LCP1: variants seen among roughly 807,000 people sequenced by gnomAD.
LCP1 encodes the protein plastin-2.
In LCP1, 23 loss-of-function variants were observed where a neutral mutation model predicts 72.0. That is an observed-to-expected ratio of 0.32 (90% CI 0.23 to 0.45). The LOEUF (loss-of-function observed/expected upper bound fraction) is 0.45. Ranked by LOEUF, LCP1 falls within the 20% of genes least tolerant of loss-of-function variation. The probability of loss-of-function intolerance (pLI) is 1.00; values close to 1 mark genes in which losing one functional copy is unlikely to be tolerated. For synonymous variants in LCP1, 245 were observed against 275.4 expected (o/e 0.89, Z 1.09); for missense variants, 571 against 748.3 (o/e 0.76, Z 2.76).
chr13:46,159,521 T>A (rs2045824656), intron 2 of LCP1, 78 bp downstream of exon 2: 1 of 1,185,008 alleles, frequency 8.4e-7, no homozygotes. Flanking sequence ...TTGCTCATGT[T>A]CCCATTTCAT....
intron 9 of LCP1, 62 bp downstream of exon 9, chr13:46,148,290 A>T: frequency 8.4e-7 from 1 of 1,189,666 alleles, no homozygotes. Flanking sequence ...ACACAAGGTA[A>T]TGGAACTGCC....
rs530018422 is a variant in LCP1, at chr13:46,151,944, G to A, written c.739+836C>T. 7.2e-4 allele frequency among the ~76,000 whole-genome samples: 109 copies of A among 152,342 alleles called. 1 individual carries two copies. The highest frequency in any genetic ancestry group is 1.2e-3 in the Non-Finnish European group (81 of 68,026). On this transcript the variant is annotated intron_variant, in intron 7 of 15. Coordinates refer to ENST00000323076, the MANE Select transcript of LCP1 (RefSeq NM_002298.5). ...ACATACAGATAAGATGGTGAGAGAA[G>A]ACGCAATAAGATTGACAGCTACATA...
At chr13:46,170,585 C>T (rs1024917351) in intron 1 of LCP1, among the ~76,000 whole-genome samples, 3 of 151,996 alleles carry the variant, frequency 2.0e-5, no homozygotes, top group Admixed American at 6.5e-5. Context: ...TGCACATATG[C>T]GGTGTACCAA....
At position 46,136,371 on chromosome 13, in the gene LCP1, T is replaced by C. The variant is rs560035470; in HGVS notation, c.1503-2121A>G. Among the ~76,000 whole-genome samples the C allele has an allele frequency of 3.5e-4, 53 of 152,334 alleles. 1 individual carries two copies. Among genetic ancestry groups the C allele is most frequent in the Middle Eastern group, 3.4e-3 (1 of 294 alleles). On this transcript the variant is annotated intron_variant, in intron 13 of 15. Coordinates refer to ENST00000323076, the MANE Select transcript of LCP1 (RefSeq NM_002298.5). ...TGTGATGGCATTGGTATCCACCGTG[T>C]GCCCTCGGACAGGGTCCATGTGCCC...
At chr13:46,180,345 T>C (rs2045950548) in intron 1 of LCP1, among the ~76,000 whole-genome samples, 1 of 152,248 alleles carries the variant, frequency 6.6e-6, no homozygotes, top group African/African-American at 2.4e-5. Context: ...CCAAGTTAAA[T>C]GGTACTTTAA....
At chr13:46,174,651 C>T (rs936017137) in intron 1 of LCP1, among the ~76,000 whole-genome samples, 5 of 151,924 alleles carry the variant, frequency 3.3e-5, no homozygotes, top group African/African-American at 1.2e-4. Context: ...CAAGACCAGC[C>T]TGGCCAATGT....
At chr13:46,153,059 T>C in intron 6 of LCP1, 114 bp from the exon 7 acceptor site, 4 of 999,876 alleles carry the variant, frequency 4.0e-6, no homozygotes, top group South Asian at 3.5e-5. Flanking sequence ...TTTAGAGTCA[T>C]GGTCTTCACT....
intron 9 of LCP1, 73 bp from the exon 10 acceptor site, chr13:46,147,176 AG>A (rs1282763862): frequency 7.9e-7 from 1 of 1,265,634 alleles, no homozygotes; most frequent in African/African-American, 1.5e-5. Flanking sequence ...TAATGTGAAA[AG>A]AAATGGGAAT....
At chr13:46,162,889 G>A (rs1295082551) in intron 1 of LCP1, among the ~76,000 whole-genome samples, 1 of 149,830 alleles carries the variant, frequency 6.7e-6, no homozygotes, top group Non-Finnish European at 1.5e-5. Context: ...TCTGAGAAGT[G>A]AGGAGCCCCT....
chr13:46,142,602 C>A, intron 12 of LCP1, 177 bp from the exon 13 acceptor site: 1 of 652,570 alleles, frequency 1.5e-6, no homozygotes, highest in Non-Finnish European at 2.6e-6. Flanking sequence ...TCCATCTGTC[C>A]TTAGAACCCC....
intron 13 of LCP1, among the ~76,000 whole-genome samples, chr13:46,138,040 C>T (rs978003567): frequency 6.6e-6 from 1 of 152,222 alleles, no homozygotes; most frequent in African/African-American, 2.4e-5. Context: ...TTGTCTGCTT[C>T]GGATTCTTTG....
intron 4 of LCP1, 150 bp downstream of exon 4, chr13:46,158,372 C>A: frequency 1.3e-6 from 1 of 745,574 alleles, no homozygotes; most frequent in South Asian, 1.8e-5. Flanking sequence ...ATATTATGTA[C>A]CCAGAACTGA....
chr13:46,158,924 G>A lies in LCP1; in HGVS notation c.130C>T (p.Pro44Ser), dbSNP rs2045820509. The change falls in exon 3 of 16, where the codon CCT becomes TCT. Residue 44 changes from proline to serine, a missense_variant. Physicochemically the swap from Pro to Ser is moderately conservative, Grantham distance 74. Coordinates refer to ENST00000323076, the MANE Select transcript of LCP1 (RefSeq NM_002298.5). ...LNDLFKAACL[P>S]LPGYRVREIT... ...TCTCGTACTCTATACCCAGGCAAAG[G>A]CAAGCAAGCAGCCTTGAACAAGTCA... 1.2e-6 allele frequency: 2 copies of A among 1,614,102 alleles called. No individual in the cohort carries two copies. Among genetic ancestry groups the A allele is most frequent in the Non-Finnish European group, 1.7e-6 (2 of 1,180,012 alleles).
At chr13:46,157,721 G>A (rs1240567469) in intron 4 of LCP1, among the ~76,000 whole-genome samples, 2 of 149,580 alleles carry the variant, frequency 1.3e-5, no homozygotes, top group Non-Finnish European at 3.0e-5. Context: ...AACTATAGAT[G>A]GTATTTAATC....
chr13:46,166,728 A>G (rs760092572), intron 1 of LCP1, among the ~76,000 whole-genome samples: 1 of 152,204 alleles, frequency 6.6e-6, no homozygotes, highest in African/African-American at 2.4e-5. Context: ...ATACCCATAC[A>G]TTTTTAAAAA....
rs553329215 is a variant in LCP1 at position 46,156,157 on chromosome 13, G to A, written c.491+281C>T. Among the ~76,000 whole-genome samples, 3 of 152,206 alleles carry A rather than the reference G, an allele frequency of 2.0e-5. No homozygotes were observed. The East Asian group carries it at 5.8e-4, about 29-fold the overall frequency. ...ACTTAATTATCTAATACATTGATTA[G>A]ACATCTAATGCTTTTGACTTGGTAT... On this transcript the variant is annotated intron_variant, in intron 5 of 15. Transcript: ENST00000323076.
intron 15 of LCP1, among the ~76,000 whole-genome samples, chr13:46,128,031 G>T (rs2045610443): frequency 6.7e-6 from 1 of 149,860 alleles, no homozygotes; most frequent in Non-Finnish European, 1.5e-5. Context: ...GTAGAGACAG[G>T]GGTCTCACTA....
chr13:46,152,099 G>C (rs1454330260), intron 7 of LCP1, among the ~76,000 whole-genome samples: 1 of 152,246 alleles, frequency 6.6e-6, no homozygotes, highest in Non-Finnish European at 1.5e-5. Flanking sequence ...CACATACACA[G>C]TAAGGTGGTT....
rs1282047355 is a variant in LCP1 at position 46,130,892 on chromosome 13, G to A, written c.1673C>T (p.Ala558Val). ...TSLPVLDLIDAIQPGSINYDL... is the reference protein window; with the variant it reads ...TSLPVLDLIDVIQPGSINYDL... ...ATAGTTAATGGAACCTGGTTGGATGGCATCGATGAGGTCCAGAACAGGCAG... is the reference window on the plus strand; with the variant it reads ...ATAGTTAATGGAACCTGGTTGGATGACATCGATGAGGTCCAGAACAGGCAG... The change falls in exon 15 of 16, where the codon GCC (alanine) becomes GTC (valine). Residue 558 changes from alanine to valine, a missense_variant. Physicochemically the swap from Ala to Val is moderately conservative, Grantham distance 64. Coordinates refer to ENST00000323076, the MANE Select transcript of LCP1 (RefSeq NM_002298.5). 6.2e-7 allele frequency: 1 copy of A among 1,612,264 alleles called. No individual in the cohort carries two copies. The highest frequency in any genetic ancestry group is 8.5e-7 in the Non-Finnish European group (1 of 1,179,302).
Sources: allele counts gnomAD v4.1 joint callset (sites outside exome capture counted in the v4.1 genomes callset), GRCh38; gene constraint gnomAD v4.1.1; transcripts MANE v1.5; gene names NCBI Gene and HGNC (gene_info 2026-07-23, HGNC 2026-07-21).